The following MAN1A2 variants were observed in gnomAD, a reference collection of about 807,000 sequenced individuals.
MAN1A2 encodes the protein mannosyl-oligosaccharide 1,2-alpha-mannosidase IB.
Under a neutral mutation model 75.7 loss-of-function variants are expected in MAN1A2, and 26 were observed. That is an observed-to-expected ratio of 0.34 (90% CI 0.25 to 0.48). The LOEUF (loss-of-function observed/expected upper bound fraction) is 0.48. MAN1A2 is among the 20% of genes least tolerant of loss of function. The pLI, the probability that MAN1A2 is intolerant of heterozygous loss-of-function variation, is 0.99. For synonymous variants in MAN1A2, 247 were observed against 264.6 expected (o/e 0.93, Z 0.65); for missense variants, 562 against 775.5 (o/e 0.72, Z 3.27).
intron 5 of MAN1A2, among the ~76,000 whole-genome samples, chr1:117,430,311 C>A (rs1648583507): frequency 7.9e-6 from 1 of 127,374 alleles, no homozygotes; most frequent in Admixed American, 7.3e-5. Context: ...GGGGGGCTGA[C>A]CCCCCCCACC....
chr1:117,388,843 T>C (rs1456814042), intron 1 of MAN1A2, among the ~76,000 whole-genome samples: 1 of 152,212 alleles, frequency 6.6e-6, no homozygotes, highest in Admixed American at 6.5e-5. Context: ...GAATGAATAG[T>C]GTACCAAAAC....
intron 5 of MAN1A2, among the ~76,000 whole-genome samples, chr1:117,421,119 C>A (rs1043510071): frequency 6.6e-4 from 101 of 152,130 alleles, no homozygotes; most frequent in African/African-American, 2.2e-3. Flanking sequence ...TGGTACAGAA[C>A]ACATGGAGAC....
At chr1:117,429,736 G>A (rs1190093534) in intron 5 of MAN1A2, among the ~76,000 whole-genome samples, 24 of 108,040 alleles carry the variant, frequency 2.2e-4, no homozygotes, top group South Asian at 3.3e-4. Context: ...CCTCCCGGAC[G>A]GGGCGGCTGG....
At chr1:117,402,527 T>C in intron 2 of MAN1A2, 86 bp downstream of exon 2, 1 of 1,303,114 alleles carries the variant, frequency 7.7e-7, no homozygotes, top group Non-Finnish European at 1.0e-6. Context: ...GTATCCTGTT[T>C]TGATCTGTTT....
At chr1:117,372,923 T>C (rs1369220122) in intron 1 of MAN1A2, among the ~76,000 whole-genome samples, 1 of 152,086 alleles carries the variant, frequency 6.6e-6, no homozygotes, top group African/African-American at 2.4e-5. Context: ...GTCAGGTATA[T>C]GTTTACCTTT....
intron 12 of MAN1A2, chr1:117,515,750 C>G (rs974348072): frequency 6.6e-6 from 1 of 152,052 alleles, no homozygotes; most frequent in African/African-American, 2.4e-5. Flanking sequence ...GATTCCACTT[C>G]TATGAGGTCT....
Position 117,420,648 on chromosome 1 carries a change from A to G in MAN1A2, c.854A>G (p.Glu285Gly), listed in dbSNP as rs756569092. 1.9e-6 allele frequency: 3 copies of G among 1,610,324 alleles called. No homozygotes were observed. The highest frequency in any genetic ancestry group is 2.2e-5 in the East Asian group (1 of 44,826). Residue 285 changes from glutamate to glycine, a missense_variant and splice_region_variant, in exon 5 of 13, where the codon GAG (glutamate) becomes GGG (glycine). Glu to Gly is a moderately conservative substitution (Grantham distance 98, BLOSUM62 -2). Coordinates refer to ENST00000356554, the MANE Select transcript of MAN1A2 (RefSeq NM_006699.5). ...GCAGCATATTACCTATCAGGAGAGG[A>G]GGTGAGCAAAATCAAGCAATGCATT... ...LLAAYYLSGE[E>G]IFKIKAVQLA...
intron 1 of MAN1A2, among the ~76,000 whole-genome samples, chr1:117,387,616 C>G (rs970204043): frequency 6.6e-6 from 1 of 152,080 alleles, no homozygotes; most frequent in East Asian, 1.9e-4. Flanking sequence ...TAAAGGTGTA[C>G]CATTAGTTTT....
At chr1:117,399,534 G>A (rs1647337298) in intron 1 of MAN1A2, among the ~76,000 whole-genome samples, 1 of 152,136 alleles carries the variant, frequency 6.6e-6, no homozygotes, top group African/African-American at 2.4e-5. Flanking sequence ...GTGAGTTGGG[G>A]AAATTCTCAG....
intron 10 of MAN1A2, among the ~76,000 whole-genome samples, chr1:117,497,762 A>C (rs1035239743): frequency 1.3e-5 from 2 of 151,852 alleles, no homozygotes; most frequent in Non-Finnish European, 2.9e-5. Flanking sequence ...GCTGAAAAAC[A>C]CTGGACTAGA....
At chr1:117,509,951 T>C (rs1651480123) in intron 12 of MAN1A2, among the ~76,000 whole-genome samples, 1 of 151,628 alleles carries the variant, frequency 6.6e-6, no homozygotes, top group Non-Finnish European at 1.5e-5. Context: ...ATATATAATA[T>C]ATATCCTTTA....
At position 117,381,293 on chromosome 1, in the gene MAN1A2, G is replaced by A. The variant is rs372018777; in HGVS notation, c.302+12808G>A. On this transcript the variant is annotated intron_variant, in intron 1 of 12. Coordinates refer to ENST00000356554, the MANE Select transcript of MAN1A2 (RefSeq NM_006699.5). ...GCTGGTGTGCTGCACCCATTAACTC[G>A]TCATTTAGCATTAGGTATATCTCCT... 3.9e-3 allele frequency among the ~76,000 whole-genome samples: 594 copies of A among 151,976 alleles called. 7 individuals are homozygous for A. The highest frequency in any genetic ancestry group is 0.013 in the African/African-American group (558 of 41,442).
intron 12 of MAN1A2, among the ~76,000 whole-genome samples, chr1:117,510,579 G>A (rs181593203): frequency 1.3e-4 from 20 of 152,134 alleles, no homozygotes; most frequent in Admixed American, 1.3e-3. Context: ...TTTTAAACTA[G>A]TGCTTTCTGG....
chr1:117,368,655 A>AGAGTC (rs1652852067), intron 1 of MAN1A2, among the ~76,000 whole-genome samples, 170 bp downstream of exon 1: 1 of 151,696 alleles, frequency 6.6e-6, no homozygotes, highest in Non-Finnish European at 1.5e-5. Flanking sequence ...GAGGGACTCT[A>AGAGTC]CCTCCAGTCT....
chr1:117,451,545 A>G (rs1649418101), intron 6 of MAN1A2, among the ~76,000 whole-genome samples: 1 of 152,132 alleles, frequency 6.6e-6, no homozygotes, highest in Non-Finnish European at 1.5e-5. Context: ...CTGTGTCCCC[A>G]CCCAAATCTC....
chr1:117,488,784 T>G (rs1054007698), intron 8 of MAN1A2, among the ~76,000 whole-genome samples: 6 of 152,066 alleles, frequency 3.9e-5, no homozygotes, highest in African/African-American at 1.4e-4. Flanking sequence ...ACATACTGCT[T>G]AAGGTGAATG....
intron 12 of MAN1A2, chr1:117,516,079 CT>C (rs1651706542): frequency 6.6e-6 from 1 of 152,092 alleles, no homozygotes; most frequent in Non-Finnish European, 1.5e-5. Flanking sequence ...TATCTTTTTC[CT>C]ATCCCACTGC....
At chr1:117,484,654 T>G (rs2101864009) in intron 8 of MAN1A2, among the ~76,000 whole-genome samples, 1 of 152,152 alleles carries the variant, frequency 6.6e-6, no homozygotes, top group Middle Eastern at 3.4e-3. Context: ...ATTACAGTAG[T>G]AAAGTATGTA....
At chr1:117,390,866 CG>C (rs1557930905) in intron 1 of MAN1A2, among the ~76,000 whole-genome samples, 1 of 151,764 alleles carries the variant, frequency 6.6e-6, no homozygotes, top group African/African-American at 2.4e-5. Flanking sequence ...CATTTTCTTT[CG>C]GTTCAGGGCA....
Sources: gnomAD v4.1 joint callset for allele counts (sites outside exome capture counted in the v4.1 genomes callset) on GRCh38, gnomAD v4.1.1 for gene constraint, MANE v1.5 for transcripts, NCBI Gene and HGNC (gene_info 2026-07-23, HGNC 2026-07-21) for gene names.